Variants in FSTL5 observed in about 807,000 individuals in gnomAD.
FSTL5 encodes follistatin like 5, also known as follistatin-related protein 5.
Under a neutral mutation model 89.1 loss-of-function variants are expected in FSTL5, and 62 were observed. The ratio of observed to expected loss-of-function variants is 0.70; its 90% CI spans 0.57 to 0.86. The LOEUF is 0.86. Among genes scored for constraint, FSTL5 ranks in the 40% least tolerant of loss-of-function variants. The pLI is 0.00. For synonymous variants in FSTL5, 383 were observed against 346.2 expected, an observed-to-expected ratio of 1.11 and a Z score of -1.18; for missense variants, 1,057 against 1,001.6, an observed-to-expected ratio of 1.06 and a Z score of -0.75.
chr4:161,827,102 G>A (rs1342548745), intron 4 of FSTL5, among the ~76,000 whole-genome samples: 1 of 152,114 alleles, frequency 6.6e-6, no homozygotes, highest in Non-Finnish European at 1.5e-5. Flanking sequence ...GGGAAGACCT[G>A]GGACTCAAGG....
intron 2 of FSTL5, among the ~76,000 whole-genome samples, chr4:162,100,999 G>A (rs550712712): frequency 6.6e-6 from 1 of 152,288 alleles, no homozygotes; most frequent in South Asian, 2.1e-4. Flanking sequence ...TGTATAATGA[G>A]TGACAGACCC....
At chr4:161,606,202 C>T (rs544696890) in intron 7 of FSTL5, among the ~76,000 whole-genome samples, 19 of 151,218 alleles carry the variant, frequency 1.3e-4, no homozygotes, top group Admixed American at 9.9e-4. Flanking sequence ...AACCTCCAAG[C>T]TGACCCCCAA....
chr4:161,830,475 G>T (rs938096431), intron 4 of FSTL5, among the ~76,000 whole-genome samples: 5 of 151,990 alleles, frequency 3.3e-5, no homozygotes, highest in South Asian at 2.1e-4. Context: ...AATTATGTTT[G>T]CAGGCATACT....
Position 161,386,107 on chromosome 4 carries a change from C to T in FSTL5, c.2184G>A (p.Gln728=). Residue 728 remains glutamine, a synonymous_variant, in exon 16 of 16, where the codon CAG becomes CAA. Coordinates refer to ENST00000306100, the MANE Select transcript of FSTL5 (RefSeq NM_020116.5). ...VQYITIRGEI[Q]EAFDIYTNLH... ...GATTTGTGTAAATATCAAAAGCCTC[C>T]TGTATTTCTCCTCTGATGGTAATGT... is the stretch of plus-strand genomic sequence containing the variant. 5.0e-6 allele frequency: 8 copies of T among 1,614,008 alleles called. No homozygotes were observed. Among genetic ancestry groups the T allele is most frequent in the Non-Finnish European group, 5.9e-6 (7 of 1,179,956 alleles).
At chr4:161,597,092 T>C (rs1361521104) in intron 7 of FSTL5, among the ~76,000 whole-genome samples, 3 of 152,136 alleles carry the variant, frequency 2.0e-5, no homozygotes, top group Non-Finnish European at 4.4e-5. Context: ...GTTTTAGACA[T>C]GAAGTCCTTG....
intron 3 of FSTL5, among the ~76,000 whole-genome samples, chr4:161,957,672 G>A (rs1735062731): frequency 6.6e-6 from 1 of 152,052 alleles, no homozygotes; most frequent in African/African-American, 2.4e-5. Context: ...TCGTATTTAA[G>A]ATAAACATTA....
chr4:161,700,582 G>T (rs1480300915), intron 6 of FSTL5, among the ~76,000 whole-genome samples: 1 of 151,732 alleles, frequency 6.6e-6, no homozygotes, highest in African/African-American at 2.4e-5. Flanking sequence ...TGCTATGTTT[G>T]CCCAGGGTGG....
At chr4:162,092,982 C>T (rs1207311838) in intron 2 of FSTL5, among the ~76,000 whole-genome samples, 1 of 148,194 alleles carries the variant, frequency 6.7e-6, no homozygotes, top group Non-Finnish European at 1.5e-5. Context: ...GAAAGATAGC[C>T]GAGGCTATGT....
intron 8 of FSTL5, among the ~76,000 whole-genome samples, chr4:161,572,195 T>C (rs976568711): frequency 3.3e-5 from 5 of 151,808 alleles, no homozygotes; most frequent in African/African-American, 1.2e-4. Flanking sequence ...GACAGGCACC[T>C]GTAATCCCAG....
At chr4:161,972,547 A>C (rs1342665838) in intron 3 of FSTL5, among the ~76,000 whole-genome samples, 2 of 152,158 alleles carry the variant, frequency 1.3e-5, no homozygotes, top group African/African-American at 4.8e-5. Context: ...TTTGGCCAAC[A>C]GCCAGCAAGG....
At chr4:161,667,059 T>C (rs1392384075) in intron 6 of FSTL5, among the ~76,000 whole-genome samples, 1 of 152,100 alleles carries the variant, frequency 6.6e-6, no homozygotes, top group Non-Finnish European at 1.5e-5. Context: ...GACAAAACTA[T>C]ATTTTTATAT....
chr4:162,080,930 G>C (rs975518955), intron 2 of FSTL5, among the ~76,000 whole-genome samples: 3 of 151,554 alleles, frequency 2.0e-5, no homozygotes, highest in Non-Finnish European at 3.0e-5. Flanking sequence ...TGTGAACTAA[G>C]CATTAATAAG....
At chr4:161,527,694 G>A (rs1463971463) in intron 10 of FSTL5, among the ~76,000 whole-genome samples, 1 of 151,634 alleles carries the variant, frequency 6.6e-6, no homozygotes, top group African/African-American at 2.4e-5. Context: ...TACACTGTTG[G>A]TGGGACTGTA....
chr4:161,702,029 A>G (rs1738409630), intron 6 of FSTL5, among the ~76,000 whole-genome samples: 1 of 152,056 alleles, frequency 6.6e-6, no homozygotes. Flanking sequence ...ACACATTTAA[A>G]CCCATTTCAA....
intron 4 of FSTL5, among the ~76,000 whole-genome samples, chr4:161,881,672 A>C (rs775612215): frequency 6.6e-6 from 1 of 152,112 alleles, no homozygotes; most frequent in Non-Finnish European, 1.5e-5. Context: ...GACTTAGGAC[A>C]CTGCACTTTT....
At chr4:162,004,446 C>T (rs1560965295) in intron 3 of FSTL5, among the ~76,000 whole-genome samples, 1 of 152,162 alleles carries the variant, frequency 6.6e-6, no homozygotes, top group Non-Finnish European at 1.5e-5. Flanking sequence ...TCATACCAAC[C>T]TCCACTTCAC....
At chr4:161,790,425 G>A (rs1398251550) in intron 4 of FSTL5, among the ~76,000 whole-genome samples, 1 of 152,146 alleles carries the variant, frequency 6.6e-6, no homozygotes, top group African/African-American at 2.4e-5. Context: ...ACAAGTGTAG[G>A]GCAGCCTGGA....
At position 161,386,185 on chromosome 4, in the gene FSTL5, A is replaced by G; in HGVS notation, c.2106T>C (p.Asp702=). Residue 702 remains aspartate (D), a synonymous_variant, in exon 16 of 16, where the codon GAT becomes GAC. Transcript: ENST00000306100. ...DVTGTPYVSP[D]GHYLVSINDV... ...CATTAATGCTGACAAGGTAGTGGCCATCTGGAGAGACATATGGAGTGCCCG... is the reference window on the plus strand; with the variant it reads ...CATTAATGCTGACAAGGTAGTGGCCGTCTGGAGAGACATATGGAGTGCCCG... 1 of 1,614,056 alleles carries G rather than the reference A, an allele frequency of 6.2e-7. No individual in the cohort carries two copies. Among genetic ancestry groups the G allele is most frequent in the Non-Finnish European group, 8.5e-7 (1 of 1,179,978 alleles).
chr4:161,491,633 G>C (rs1242280840), intron 12 of FSTL5, among the ~76,000 whole-genome samples: 1 of 152,036 alleles, frequency 6.6e-6, no homozygotes, highest in Non-Finnish European at 1.5e-5. Flanking sequence ...CTGAGGTCAG[G>C]AGTTCAAGAC....
Sources: gnomAD v4.1 joint callset for allele counts (sites outside exome capture counted in the v4.1 genomes callset) on GRCh38, gnomAD v4.1.1 for gene constraint, MANE v1.5 for transcripts, NCBI Gene and HGNC (gene_info 2026-07-23, HGNC 2026-07-21) for gene names.